ASAP1: variants seen among roughly 807,000 people sequenced by gnomAD.
ASAP1 encodes arf-GAP with SH3 domain, ANK repeat and PH domain-containing protein 1.
ASAP1 carries 43 observed loss-of-function variants against 145.2 expected under a neutral mutation model. The ratio of observed to expected loss-of-function variants is 0.30; its 90% confidence interval spans 0.23 to 0.38. The LOEUF is 0.38. Among genes scored for constraint, ASAP1 ranks in the 10% least tolerant of loss-of-function variants. ASAP1 has a pLI of 1.00. For missense variants in ASAP1, 1,018 were observed against 1,355.3 expected (o/e 0.75, Z 3.91); for synonymous variants, 546 against 515.5 (o/e 1.06, Z -0.80).
chr8:130,189,695 T>C (rs918527967), intron 5 of ASAP1, among the ~76,000 whole-genome samples: 7 of 152,212 alleles, frequency 4.6e-5, no homozygotes, highest in Non-Finnish European at 2.9e-5. Flanking sequence ...CTGGATCTTA[T>C]GGTAGTTCTC....
rs1368643355 is a variant in ASAP1 at position 130,358,067 on chromosome 8, A to G, written c.136T>C (p.Phe46Leu). 6.2e-7 allele frequency: 1 copy of G among 1,610,658 alleles called. No individual in the cohort carries two copies. Residue 46 changes from phenylalanine (F) to leucine (L), a missense_variant, in exon 3 of 30, where the codon TTC becomes CTC. By Grantham distance (22) the Phe-to-Leu change is conservative (BLOSUM62 0). Around this residue, in one of 9 missense-constraint regions of ASAP1, gnomAD observed 106 missense variants for 134.5 expected, o/e 0.79. Coordinates refer to ENST00000518721, the MANE Select transcript of ASAP1 (RefSeq NM_018482.4). This position sits in a 1 kb window ranked among gnomAD's most constrained non-coding sequence, Gnocchi z 4.1. ...EDYNSPTTSSFTTRLHNCRNT... is the reference protein window; with the variant it reads ...EDYNSPTTSSLTTRLHNCRNT... ...CTGCAGTTGTGCAGCCGCGTGGTGA[A>G]GCTGGACGTGGTGGGCGAGTTGTAG...
At chr8:130,208,793 T>C (rs1295652914) in intron 5 of ASAP1, 1 of 152,212 alleles carries the variant, frequency 6.6e-6, no homozygotes, top group African/African-American at 2.4e-5. Flanking sequence ...GGATAAGTCA[T>C]ATTCTTTTGA....
At chr8:130,070,946 A>G (rs1592732732) in intron 27 of ASAP1, among the ~76,000 whole-genome samples, 1 of 11,484 alleles carries the variant, frequency 8.7e-5, no homozygotes, top group Non-Finnish European at 1.4e-4. Flanking sequence ...AGGGGGAGAG[A>G]GAGGGGTAGA....
At chr8:130,274,099 T>C (rs1053401241) in intron 3 of ASAP1, among the ~76,000 whole-genome samples, 1 of 152,182 alleles carries the variant, frequency 6.6e-6, no homozygotes, top group Non-Finnish European at 1.5e-5. Context: ...AATGTAAAAG[T>C]CTATGACTCA....
intron 3 of ASAP1, among the ~76,000 whole-genome samples, chr8:130,248,137 T>C (rs192262195): frequency 2.0e-5 from 3 of 152,256 alleles, no homozygotes; most frequent in African/African-American, 7.2e-5. Flanking sequence ...GAATAGTTTA[T>C]CTACCTGGTA....
At chr8:130,305,137 T>C (rs920285396) in intron 3 of ASAP1, among the ~76,000 whole-genome samples, 14 of 152,336 alleles carry the variant, frequency 9.2e-5, no homozygotes, top group Middle Eastern at 3.4e-3. Context: ...CCCCTCCTGC[T>C]ACCACACTGC....
At chr8:130,340,939 A>G (rs1351941660) in intron 3 of ASAP1, 3 of 449,954 alleles carry the variant, frequency 6.7e-6, no homozygotes, top group Non-Finnish European at 1.3e-5. Context: ...GGAATAAAAT[A>G]CTAGGTTTTT....
intron 3 of ASAP1, among the ~76,000 whole-genome samples, chr8:130,336,015 G>T (rs1825010598): frequency 6.6e-6 from 1 of 151,922 alleles, no homozygotes; most frequent in Admixed American, 6.6e-5. Flanking sequence ...GAGAGCCCCA[G>T]AATAAGACCA....
rs527868295 is a variant in ASAP1 at position 130,428,668 on chromosome 8, CCAT to C, written c.-28+14789_-28+14791del. On this transcript the variant is annotated intron_variant, in intron 1 of 29. Coordinates refer to ENST00000518721, the MANE Select transcript of ASAP1 (RefSeq NM_018482.4). ...CACCACCATCATCACCATCCCCCCA[CCAT>C]CATCATCACCATCAGAACTACCACC... Among the ~76,000 whole-genome samples the C allele has an allele frequency of 2.0e-3, 294 of 147,454 alleles. 1 individual carries two copies. Among genetic ancestry groups the C allele is most frequent in the South Asian group, 3.6e-3 (16 of 4,442 alleles).
At chr8:130,216,593 A>G (rs1816942352) in intron 4 of ASAP1, among the ~76,000 whole-genome samples, 1 of 151,832 alleles carries the variant, frequency 6.6e-6, no homozygotes, top group Admixed American at 6.6e-5. Context: ...CATCTCTCTG[A>G]CCTCATCATG....
At chr8:130,079,836 T>C (rs985077633) in intron 26 of ASAP1, 66 bp downstream of exon 26, 31 of 1,517,676 alleles carry the variant, frequency 2.0e-5, no homozygotes, top group Non-Finnish European at 2.7e-5. Flanking sequence ...TGAAAACTCA[T>C]TTCTAGAATT....
chr8:130,138,100 G>A (rs549399881), intron 13 of ASAP1, among the ~76,000 whole-genome samples: 3 of 152,340 alleles, frequency 2.0e-5, no homozygotes, highest in Admixed American at 2.0e-4. Flanking sequence ...AAGAGAGGGG[G>A]AGGGAGTTAG....
intron 9 of ASAP1, 137 bp downstream of exon 9, chr8:130,179,127 C>A: frequency 1.9e-6 from 1 of 527,370 alleles, no homozygotes; most frequent in Non-Finnish European, 3.4e-6. Context: ...ATTTCTTATC[C>A]ATTTAGCTGA....
chr8:130,086,349 G>A (rs1292381609), intron 25 of ASAP1, among the ~76,000 whole-genome samples: 1 of 152,222 alleles, frequency 6.6e-6, no homozygotes, highest in East Asian at 1.9e-4. Flanking sequence ...TTAAGAATGA[G>A]GTACGTTAAC....
At chr8:130,403,130 C>T (rs922132906) in intron 1 of ASAP1, among the ~76,000 whole-genome samples, 8 of 151,930 alleles carry the variant, frequency 5.3e-5, no homozygotes, top group Non-Finnish European at 8.8e-5. Context: ...TAAATATTAC[C>T]GCATGGATTT....
chr8:130,142,372 A>G (rs1306177675), intron 13 of ASAP1, among the ~76,000 whole-genome samples: 1 of 152,214 alleles, frequency 6.6e-6, no homozygotes, highest in East Asian at 1.9e-4. Flanking sequence ...TTTCTATTTT[A>G]ATATCTTCTT....
intron 15 of ASAP1, among the ~76,000 whole-genome samples, chr8:130,134,065 A>G (rs1408194513): frequency 6.6e-6 from 1 of 152,178 alleles, no homozygotes; most frequent in East Asian, 1.9e-4. Flanking sequence ...AACCCCAGAG[A>G]GGGTGAGGCT....
Position 130,151,370 on chromosome 8 carries a change from C to CAAAAAAA in ASAP1, c.1080+1359_1080+1365dup, listed in dbSNP as rs58367856. Among the ~76,000 whole-genome samples, 86 of 62,848 alleles carry CAAAAAAA rather than the reference C, an allele frequency of 1.4e-3. 4 individuals carry two copies. The highest frequency in any genetic ancestry group is 1.5e-3 in the Non-Finnish European group (50 of 33,056). 41.2% of individuals were successfully genotyped at this position (62,848 alleles called of 152,430 possible). A position where few individuals can be genotyped will look rare whatever the true frequency, so the allele number is the denominator to read the frequency against. ...TGGGTGAAAGAGCGAGACTCAGTCT[C>CAAAAAAA]AAAAAAAAAAAAAAAAAAAAAAAAA... On this transcript the variant is annotated intron_variant, in intron 13 of 29. Transcript: ENST00000518721.
intron 17 of ASAP1, among the ~76,000 whole-genome samples, chr8:130,124,462 A>G (rs966797637): frequency 1.3e-5 from 2 of 152,264 alleles, no homozygotes; most frequent in African/African-American, 4.8e-5. Context: ...AGCAGGCTCC[A>G]TATGTGAGTC....
Sources: gnomAD v4.1 joint callset for allele counts (sites outside exome capture counted in the v4.1 genomes callset) on GRCh38, gnomAD v4.1.1 for gene constraint, gnomAD v4.1.1 regional missense constraint, Gnocchi (gnomAD v3.1) non-coding constraint, MANE v1.5 for transcripts, NCBI Gene and HGNC (gene_info 2026-07-23, HGNC 2026-07-21) for gene names.